Variants in TMEM273 observed in about 807,000 individuals in gnomAD.
TMEM273 encodes transmembrane protein 273, also known as chromosome 10 open reading frame 128.
In TMEM273, 19 loss-of-function variants were observed where a neutral mutation model predicts 17.9. The observed-to-expected ratio is 1.06, with a 90% CI of 0.74 to 1.55. The LOEUF (loss-of-function observed/expected upper bound fraction) is 1.55. Ranked by LOEUF, TMEM273 falls within the 40% of genes most tolerant of loss-of-function variation. The pLI, the probability that TMEM273 is intolerant of heterozygous loss-of-function variation, is 0.00. For missense variants in TMEM273, 194 were observed against 155.6 expected (o/e 1.25, Z -1.31); for synonymous variants, 66 against 62.0 (o/e 1.07, Z -0.31).
chr10:49,167,783 G>T, intron 2 of TMEM273, 126 bp downstream of exon 2: 2 of 1,214,620 alleles, frequency 1.6e-6, no homozygotes. Context: ...TGGAGGTGAG[G>T]GTGCCCCTTT....
intron 1 of TMEM273, 71 bp from the exon 2 acceptor site, chr10:49,168,033 G>A: frequency 6.3e-7 from 1 of 1,589,884 alleles, no homozygotes. Context: ...CAGTCTCAGA[G>A]GCCTGGGAAA....
chr10:49,177,505 A>G (rs1335411153), intron 1 of TMEM273, among the ~76,000 whole-genome samples: 1 of 152,226 alleles, frequency 6.6e-6, no homozygotes, highest in African/African-American at 2.4e-5. Context: ...TCCTGGAGCC[A>G]GTGTCAGGAC....
intron 2 of TMEM273, 78 bp downstream of exon 2, chr10:49,167,831 G>C (rs537174987): frequency 6.4e-7 from 1 of 1,563,802 alleles, no homozygotes; most frequent in African/African-American, 1.4e-5. Context: ...CCAGCACTGC[G>C]GCCCTCTGCT....
rs747001760 is a variant in TMEM273 at position 49,167,956 on chromosome 10, C to T, written c.50G>A (p.Gly17Glu). 3 of 1,614,062 alleles carry T rather than the reference C, an allele frequency of 1.9e-6. No individual in the cohort carries two copies. The Admixed American group carries it at 5.0e-5, about 27-fold the overall frequency. ...MLRILFLLDVGGAQVLATGKT... is the reference protein window; with the variant it reads ...MLRILFLLDVEGAQVLATGKT... The stretch of plus-strand genomic sequence containing the variant: ...GCCTGTTGCCAGCACTTGAGCTCCT[C>T]CTACATCTGCAAAGAAAGAAACCCC... The change falls in exon 2 of 7, where the codon GGA becomes GAA. Residue 17 changes from glycine (G) to glutamate (E), a missense_variant. By Grantham distance (98) the Gly-to-Glu change is moderately conservative. Coordinates refer to ENST00000374153, the MANE Select transcript of TMEM273 (RefSeq NM_001288740.3).
chr10:49,166,826 C>T (rs775140700), intron 3 of TMEM273, 43 bp downstream of exon 3: 2 of 1,610,350 alleles, frequency 1.2e-6, no homozygotes, highest in East Asian at 2.2e-5. Flanking sequence ...CTCGGTGCCT[C>T]GCTGGGTGGG....
At chr10:49,163,710 G>A (rs1423844792) in intron 5 of TMEM273, among the ~76,000 whole-genome samples, 1 of 152,216 alleles carries the variant, frequency 6.6e-6, no homozygotes, top group East Asian at 1.9e-4. Context: ...GAGAGAAGGA[G>A]AGTGAGAGTC....
Position 49,164,905 on chromosome 10 carries a change from T to A in TMEM273, c.348+300A>T, listed in dbSNP as rs2804932. On this transcript the variant is annotated intron_variant, in intron 5 of 6. Coordinates refer to ENST00000374153, the MANE Select transcript of TMEM273 (RefSeq NM_001288740.3). Reference sequence around the variant, plus strand: ...GTCTCCCCTGTAGACTGGGGGAGATTGTCCTACTTCTCTCTCCTTGACCCC... The same window carrying A: ...GTCTCCCCTGTAGACTGGGGGAGATAGTCCTACTTCTCTCTCCTTGACCCC... Among the ~76,000 whole-genome samples the A allele has an allele frequency of 3.7e-3, 558 of 151,996 alleles. 1 individual carries two copies. Among genetic ancestry groups the A allele is most frequent in the Middle Eastern group, 6.8e-3 (2 of 294 alleles).
chr10:49,183,234 C>T (rs1343164882), intron 1 of TMEM273, among the ~76,000 whole-genome samples: 2 of 151,776 alleles, frequency 1.3e-5, no homozygotes, highest in Non-Finnish European at 2.9e-5. Context: ...ATTAAATTTC[C>T]TAAAGTTGAT....
intron 1 of TMEM273, among the ~76,000 whole-genome samples, chr10:49,179,611 A>T (rs1265449351): frequency 2.0e-5 from 3 of 152,320 alleles, no homozygotes; most frequent in South Asian, 4.1e-4. Context: ...ATATTATATT[A>T]AAAAAACAAA....
At chr10:49,159,922 C>A (rs952790611) in intron 6 of TMEM273, among the ~76,000 whole-genome samples, 1 of 151,914 alleles carries the variant, frequency 6.6e-6, no homozygotes, top group East Asian at 1.9e-4. Context: ...AAATTTGCAA[C>A]AATTTGGGCT....
At chr10:49,169,969 A>T (rs1479022130) in intron 1 of TMEM273, among the ~76,000 whole-genome samples, 1 of 151,984 alleles carries the variant, frequency 6.6e-6, no homozygotes, top group Non-Finnish European at 1.5e-5. Context: ...GTGGGGCCAG[A>T]CCCCTGAGCC....
Position 49,167,948 on chromosome 10 carries a change from G to A in TMEM273, c.58C>T (p.Gln20Ter). The change falls in exon 2 of 7, where the codon CAA becomes TAA. Residue 20 changes from glutamine to a stop codon, truncating the protein, a stop_gained. Transcript: ENST00000374153. LOFTEE classifies it high-confidence loss of function. The part of the protein sequence containing the change: ...ILFLLDVGGA[Q>*]VLATGKTPGA... ...GGGGTCTTGCCTGTTGCCAGCACTT[G>A]AGCTCCTCCTACATCTGCAAAGAAA... 3 of 1,614,054 alleles carry A rather than the reference G, an allele frequency of 1.9e-6. No homozygotes were observed. Among genetic ancestry groups the A allele is most frequent in the Non-Finnish European group, 2.5e-6 (3 of 1,179,998 alleles).
chr10:49,186,050 A>AAGAAGAAGAG (rs1847658650), intron 1 of TMEM273, among the ~76,000 whole-genome samples: 1 of 133,338 alleles, frequency 7.5e-6, no homozygotes, highest in Admixed American at 7.9e-5. Flanking sequence ...AAGAAGAAGA[A>AAGAAGAAGAG]GAGGAAGAAG....
chr10:49,165,857 C>G (rs1384122660), intron 3 of TMEM273, 61 bp from the exon 4 acceptor site: 1 of 1,603,224 alleles, frequency 6.2e-7, no homozygotes, highest in Non-Finnish European at 8.5e-7. Context: ...CAGAGCATTC[C>G]CTAGAGCTTT....
chr10:49,166,198 A>C (rs1846173796), intron 3 of TMEM273, among the ~76,000 whole-genome samples: 1 of 152,136 alleles, frequency 6.6e-6, no homozygotes, highest in African/African-American at 2.4e-5. Context: ...TGAGCCATCT[A>C]ATACAACAGA....
At chr10:49,157,347 C>T (rs1465317041) in intron 6 of TMEM273, among the ~76,000 whole-genome samples, 1 of 152,212 alleles carries the variant, frequency 6.6e-6, no homozygotes, top group Non-Finnish European at 1.5e-5. Context: ...AGGGCAGCAT[C>T]TGCTGGCTGG....
intron 1 of TMEM273, among the ~76,000 whole-genome samples, chr10:49,171,967 A>T (rs954585065): frequency 1.3e-5 from 2 of 152,192 alleles, no homozygotes. Context: ...TGGGATTCCC[A>T]GTTGTGGGCC....
rs58781281 is a variant in TMEM273, at chr10:49,162,742, C to T, written c.349-1120G>A. ...TGAGGCCACATGGTGCCAGGGTCTT[C>T]GCCATGGCCAACACAGCCCATCCAT... On this transcript the variant is annotated intron_variant, in intron 5 of 6. Transcript: ENST00000374153. 2.4e-3 allele frequency among the ~76,000 whole-genome samples: 373 copies of T among 152,290 alleles called. 1 individual carries two copies. Among genetic ancestry groups the T allele is most frequent in the African/African-American group, 8.2e-3 (341 of 41,554 alleles).
At chr10:49,158,276 C>T (rs1319164901) in intron 6 of TMEM273, among the ~76,000 whole-genome samples, 2 of 151,688 alleles carry the variant, frequency 1.3e-5, no homozygotes, top group African/African-American at 2.4e-5. Context: ...TAATGCAACC[C>T]CAATTTAAAT....
Sources: allele counts gnomAD v4.1 joint callset (sites outside exome capture counted in the v4.1 genomes callset), GRCh38; gene constraint gnomAD v4.1.1; transcripts MANE v1.5; gene names NCBI Gene and HGNC (gene_info 2026-07-23, HGNC 2026-07-21).